Variants in RAD51B observed in about 807,000 individuals in gnomAD.
RAD51B encodes the protein DNA repair protein RAD51 homolog 2.
Under a neutral mutation model 42.2 loss-of-function variants are expected in RAD51B, and 38 were observed. The ratio of observed to expected loss-of-function variants is 0.90; its 90% CI spans 0.70 to 1.18. RAD51B has a LOEUF of 1.18. Ranked by LOEUF, RAD51B falls within the 50% of genes most tolerant of loss-of-function variation. The probability of loss-of-function intolerance (pLI) is 0.00; values close to 1 mark genes in which losing one functional copy is unlikely to be tolerated. For missense variants in RAD51B, 373 were observed against 400.7 expected, an observed-to-expected ratio of 0.93 and a Z score of 0.59; for synonymous variants, 154 against 145.2, an observed-to-expected ratio of 1.06 and a Z score of -0.43.
In RAD51B at chr14:67,822,722, GCT is replaced by G. The variant is rs879496702; in HGVS notation, c.-2-803_-2-802del. 8.4e-3 allele frequency among the ~76,000 whole-genome samples: 1,266 copies of G among 150,540 alleles called. 63 individuals carry two copies. Among genetic ancestry groups the G allele is most frequent in the Admixed American group, 0.077 (1,160 of 15,046 alleles). ...GGGGTGACAGAGCCAGACCTGTCTC[GCT>G]CTCTCTCTCTCTCTCTATATATATA... is the stretch of plus-strand genomic sequence containing the variant. On this transcript the variant is annotated intron_variant, in intron 1 of 10. Coordinates refer to ENST00000471583, the MANE Select transcript of RAD51B (RefSeq NM_133510.4).
intron 1 of RAD51B, among the ~76,000 whole-genome samples, chr14:67,820,080 T>C (rs930582994): frequency 2.6e-5 from 4 of 152,100 alleles, no homozygotes; most frequent in African/African-American, 9.7e-5. Flanking sequence ...CTGCTCATTG[T>C]TGGAAAAAGC....
At chr14:68,552,698 GA>G (rs988280600) in intron 10 of RAD51B, among the ~76,000 whole-genome samples, 11 of 151,292 alleles carry the variant, frequency 7.3e-5, no homozygotes, top group Admixed American at 5.9e-4. Flanking sequence ...TCCCATGATG[GA>G]AAAAAAAAGT....
At chr14:67,939,750 C>A (rs565283900) in intron 7 of RAD51B, among the ~76,000 whole-genome samples, 78 of 152,058 alleles carry the variant, frequency 5.1e-4, no homozygotes, top group African/African-American at 1.8e-3. Flanking sequence ...CTGTTCCCAT[C>A]ACAGGGACTC....
At chr14:68,413,120 A>C (rs1472084532) in intron 9 of RAD51B, among the ~76,000 whole-genome samples, 1 of 152,230 alleles carries the variant, frequency 6.6e-6, no homozygotes, top group Non-Finnish European at 1.5e-5. Flanking sequence ...TACTAATTCC[A>C]GTTAGAATTT....
intron 7 of RAD51B, among the ~76,000 whole-genome samples, chr14:68,181,608 A>G (rs74964118): frequency 0.024 from 3,666 of 152,288 alleles, 119 homozygotes; most frequent in African/African-American, 0.072. Context: ...GGCTTTGATT[A>G]TGCAAAGCAG....
At chr14:67,954,678 G>A (rs939071359) in intron 7 of RAD51B, among the ~76,000 whole-genome samples, 3 of 152,210 alleles carry the variant, frequency 2.0e-5, no homozygotes, top group African/African-American at 7.2e-5. Context: ...CTCTTTCAAG[G>A]ATTTAGGAGA....
chr14:68,355,057 G>A (rs2082871961), intron 8 of RAD51B, among the ~76,000 whole-genome samples: 1 of 152,202 alleles, frequency 6.6e-6, no homozygotes, highest in African/African-American at 2.4e-5. Context: ...GGACCGTGAT[G>A]CACAGTAAAA....
chr14:68,668,102 T>A (rs1893070113), intron 11 of RAD51B, among the ~76,000 whole-genome samples: 1 of 152,186 alleles, frequency 6.6e-6, no homozygotes. Flanking sequence ...CTGGGAAATA[T>A]CTGCTTCAAT....
intron 7 of RAD51B, among the ~76,000 whole-genome samples, chr14:67,947,177 T>C (rs1442146804): frequency 2.0e-5 from 3 of 152,196 alleles, no homozygotes; most frequent in African/African-American, 7.2e-5. Context: ...TAAACATCTA[T>C]ATTTTATATC....
intron 9 of RAD51B, among the ~76,000 whole-genome samples, chr14:68,465,716 C>T (rs903395138): frequency 1.8e-4 from 27 of 152,026 alleles, no homozygotes; most frequent in African/African-American, 5.8e-4. Context: ...CCAGGGCAGG[C>T]GGATCACGAG....
At chr14:68,201,196 G>A (rs192534264) in intron 7 of RAD51B, among the ~76,000 whole-genome samples, 115 of 152,166 alleles carry the variant, frequency 7.6e-4, no homozygotes, top group African/African-American at 1.9e-3. Flanking sequence ...CTTTAAAAGC[G>A]TGTATGTAAT....
chr14:68,087,777 TTTTTATTGACTTAAAATAATTA>T (rs1354482668), intron 7 of RAD51B, among the ~76,000 whole-genome samples: 1 of 147,392 alleles, frequency 6.8e-6, no homozygotes, highest in African/African-American at 2.5e-5. Context: ...ACTGATAGTA[TTTTTATTGACTTAAAATAATTA>T]TTTTATTGAC....
intron 5 of RAD51B, among the ~76,000 whole-genome samples, chr14:67,872,718 A>G (rs1434941783): frequency 1.3e-5 from 2 of 151,590 alleles, no homozygotes; most frequent in African/African-American, 2.4e-5. Context: ...CCAAAACAGC[A>G]TGGTACTGGT....
intron 10 of RAD51B, among the ~76,000 whole-genome samples, chr14:68,577,415 A>G (rs1238540820): frequency 6.6e-6 from 1 of 152,106 alleles, no homozygotes; most frequent in Admixed American, 6.5e-5. Context: ...AACCAAGAAC[A>G]ACCCTCTCTC....
chr14:67,865,496 C>A (rs1007980387), intron 5 of RAD51B, among the ~76,000 whole-genome samples: 1 of 149,576 alleles, frequency 6.7e-6, no homozygotes, highest in Non-Finnish European at 1.5e-5. Flanking sequence ...CTTGGCCTCC[C>A]AAAGTGCTGG....
intron 7 of RAD51B, among the ~76,000 whole-genome samples, chr14:68,164,135 C>G (rs186537015): frequency 1.4e-3 from 212 of 152,242 alleles, no homozygotes; most frequent in Non-Finnish European, 2.4e-3. Context: ...AAACAAGTGA[C>G]TTATTTAGAA....
At chr14:68,342,329 G>C (rs1390730389) in intron 8 of RAD51B, among the ~76,000 whole-genome samples, 3 of 152,170 alleles carry the variant, frequency 2.0e-5, no homozygotes, top group Non-Finnish European at 2.9e-5. Flanking sequence ...GAAAGTCTTT[G>C]TTCTCTAGGA....
At chr14:68,547,874 G>T (rs1412365977) in intron 10 of RAD51B, among the ~76,000 whole-genome samples, 1 of 152,166 alleles carries the variant, frequency 6.6e-6, no homozygotes, top group African/African-American at 2.4e-5. Context: ...TGAAGTCACT[G>T]GTCTGTGTAG....
chr14:68,411,401 G>C, intron 8 of RAD51B, 23 bp from the exon 9 acceptor site: 1 of 1,600,580 alleles, frequency 6.2e-7, no homozygotes, highest in Non-Finnish European at 8.6e-7. Flanking sequence ...ATCTGAAAGC[G>C]TGCTTTTACC....
Sources: gnomAD v4.1 joint callset for allele counts (sites outside exome capture counted in the v4.1 genomes callset) on GRCh38, gnomAD v4.1.1 for gene constraint, MANE v1.5 for transcripts, NCBI Gene and HGNC (gene_info 2026-07-23, HGNC 2026-07-21) for gene names.